Variants in NUP160 observed in about 807,000 individuals in gnomAD.
NUP160 encodes the protein nucleoporin 160, also known as nuclear pore complex protein Nup160.
In NUP160, 94 loss-of-function variants were observed where a neutral mutation model predicts 196.9. That is an observed-to-expected ratio of 0.48 (90% CI 0.40 to 0.57). The LOEUF (loss-of-function observed/expected upper bound fraction) is 0.57, where lower values mean the gene tolerates loss of function less well. NUP160 is among the 20% of genes least tolerant of loss of function. The pLI is 0.00. For missense variants in NUP160, 1,638 were observed against 1,748.3 expected (o/e 0.94, Z 1.13); for synonymous variants, 605 against 619.7 (o/e 0.98, Z 0.35).
chr11:47,836,331 T>C (rs1481745634), intron 6 of NUP160, among the ~76,000 whole-genome samples: 3 of 152,136 alleles, frequency 2.0e-5, no homozygotes, highest in Non-Finnish European at 4.4e-5. Context: ...TTATATAAAA[T>C]ATAAGCTGTA....
Position 47,840,603 on chromosome 11 carries a change from A to G in NUP160, c.315-15T>C. The G allele has an allele frequency of 1.9e-6, 3 of 1,553,082 alleles. No homozygotes were observed. In the East Asian group the frequency reaches 6.8e-5, roughly 35 times the overall value. ...CAGAGGTCTTCCTGTTGAAAAAGAG[A>G]CATTTGTTTGAAAAGTTTATGCTTT... On this transcript the variant is annotated splice_polypyrimidine_tract_variant and intron_variant, in intron 2 of 35. Coordinates refer to ENST00000378460, the Ensembl canonical transcript of NUP160.
intron 23 of NUP160, among the ~76,000 whole-genome samples, chr11:47,800,350 G>A (rs1281128091): frequency 2.0e-5 from 3 of 151,404 alleles, no homozygotes; most frequent in African/African-American, 7.3e-5. Context: ...GGCTGTACTG[G>A]AATTCAAAAG....
chr11:47,779,353 G>A lies in NUP160; in HGVS notation c.4222-159C>T, dbSNP rs888382050. ...CATTTGTTATAGGAGTCTCCTCTGT[G>A]ACTCTACTGATAAAACTAGGCCTCT... On this transcript the variant is annotated intron_variant, in intron 35 of 35. Coordinates refer to ENST00000378460, the Ensembl canonical transcript of NUP160. Among the ~76,000 whole-genome samples the A allele has an allele frequency of 7.2e-5, 11 of 152,224 alleles. No homozygotes were observed. The East Asian group carries it at 9.6e-4, about 13-fold the overall frequency.
chr11:47,797,074 G>A lies in NUP160; in HGVS notation c.3289+705C>T, dbSNP rs140233690. On this transcript the variant is annotated intron_variant, in intron 27 of 35. Transcript: ENST00000378460. ...GGGACAATCTAACCACAGCTAATGC[G>A]GAATATCATCTATTATACTCATAAC... 2.2e-4 allele frequency among the ~76,000 whole-genome samples: 34 copies of A among 152,200 alleles called. No individual in the cohort carries two copies. In the East Asian group the frequency reaches 4.1e-3, roughly 18 times the overall value.
intron 4 of NUP160, 42 bp from the exon 5 acceptor site, chr11:47,837,665 A>C: frequency 2.0e-6 from 3 of 1,466,220 alleles, no homozygotes; most frequent in Non-Finnish European, 2.9e-6. Context: ...CACTTAGAGA[A>C]ACCCAAAGGC....
Position 47,847,162 on chromosome 11 carries a change from G to A in NUP160, c.314+686C>T, listed in dbSNP as rs139672278. Among the ~76,000 whole-genome samples, 131 of 152,040 alleles carry A rather than the reference G, an allele frequency of 8.6e-4. 1 individual carries two copies. The highest frequency in any genetic ancestry group is 2.9e-3 in the African/African-American group (122 of 41,484). ...CAGATCTTTGGTCAGTTCCAAACCC[G>A]CCACATTCTTTCCACTTCATGACCT... On this transcript the variant is annotated intron_variant, in intron 2 of 35. Coordinates refer to ENST00000378460, the Ensembl canonical transcript of NUP160.
chr11:47,817,908 A>G, intron 11 of NUP160, 148 bp downstream of exon 11: 1 of 548,008 alleles, frequency 1.8e-6, no homozygotes, highest in South Asian at 3.1e-5. Flanking sequence ...AAGAACATTA[A>G]AAAAATTATA....
At chr11:47,845,568 A>G (rs1852386110) in intron 2 of NUP160, among the ~76,000 whole-genome samples, 1 of 152,138 alleles carries the variant, frequency 6.6e-6, no homozygotes, top group African/African-American at 2.4e-5. Flanking sequence ...ACAAAACTGC[A>G]TGTACTTGGG....
chr11:47,826,231 C>T (rs1047068696), intron 7 of NUP160, among the ~76,000 whole-genome samples: 2 of 152,140 alleles, frequency 1.3e-5, no homozygotes, highest in Admixed American at 6.5e-5. Flanking sequence ...TGCATCAGCC[C>T]CGAGTAGCCG....
At chr11:47,812,487 T>C (rs561461986) in intron 15 of NUP160, 58 bp from the exon 16 acceptor site, 3 of 1,499,140 alleles carry the variant, frequency 2.0e-6, no homozygotes, top group Non-Finnish European at 2.7e-6. Context: ...GCAAGTTCTA[T>C]ATGTCCTATA....
intron 18 of NUP160, among the ~76,000 whole-genome samples, 180 bp from the exon 19 acceptor site, chr11:47,807,320 C>T (rs1163265048): frequency 2.0e-5 from 3 of 152,114 alleles, no homozygotes; most frequent in Admixed American, 6.5e-5. Flanking sequence ...AATATCACTT[C>T]GTGACCCTTC....
At chr11:47,817,309 G>A (rs946710332) in intron 11 of NUP160, among the ~76,000 whole-genome samples, 1 of 150,568 alleles carries the variant, frequency 6.6e-6, no homozygotes. Flanking sequence ...AAAGCACTGG[G>A]CTTCTCTTAT....
intron 33 of NUP160, 99 bp downstream of exon 33, chr11:47,784,823 T>G: frequency 1.1e-6 from 1 of 928,600 alleles, no homozygotes; most frequent in Non-Finnish European, 1.5e-6. Flanking sequence ...ATGACAGGTA[T>G]GAGCCACTGC....
chr11:47,798,728 G>T (rs2097672366), intron 23 of NUP160, among the ~76,000 whole-genome samples: 1 of 152,012 alleles, frequency 6.6e-6, no homozygotes, highest in Non-Finnish European at 1.5e-5. Flanking sequence ...GACTTGGGAG[G>T]CTGAGGTGGA....
At chr11:47,778,192 G>A (rs1036444125) in exon 36 of NUP160, 4 of 152,120 alleles carry the variant, frequency 2.6e-5, no homozygotes, top group Admixed American at 1.3e-4. Flanking sequence ...AACTCAAGAA[G>A]GGTCAAAAGG....
chr11:47,809,007 A>T (rs2097679409), intron 17 of NUP160, among the ~76,000 whole-genome samples: 1 of 152,070 alleles, frequency 6.6e-6, no homozygotes, highest in Admixed American at 6.6e-5. Flanking sequence ...AGGCTGAGGC[A>T]GGAGAATCGC....
chr11:47,819,464 G>A lies in NUP160; in HGVS notation c.1278-6C>T. On this transcript the variant is annotated splice_polypyrimidine_tract_variant and splice_region_variant and intron_variant, in intron 9 of 35. Coordinates refer to ENST00000378460, the Ensembl canonical transcript of NUP160. ...TCCACTGACCTGCAACATTACTAGA[G>A]ACAAAAAAGTCCACCAGTTTATACA... The A allele has an allele frequency of 6.2e-7, 1 of 1,602,138 alleles. No individual in the cohort carries two copies. Among genetic ancestry groups the A allele is most frequent in the Non-Finnish European group, 8.6e-7 (1 of 1,169,456 alleles).
chr11:47,823,330 A>G (rs1293634156), intron 7 of NUP160, among the ~76,000 whole-genome samples: 1 of 152,158 alleles, frequency 6.6e-6, no homozygotes, highest in African/African-American at 2.4e-5. Context: ...CTAAAACTCT[A>G]TACTCAATAA....
intron 7 of NUP160, among the ~76,000 whole-genome samples, chr11:47,827,345 C>T (rs1388615001): frequency 7.8e-5 from 11 of 141,904 alleles, no homozygotes; most frequent in Non-Finnish European, 3.0e-5. Context: ...ACTTGGGTGA[C>T]GGAGTGAGAC....
Sources: allele counts gnomAD v4.1 joint callset (sites outside exome capture counted in the v4.1 genomes callset), GRCh38; gene constraint gnomAD v4.1.1; transcripts MANE v1.5; gene names NCBI Gene and HGNC (gene_info 2026-07-23, HGNC 2026-07-21).